MAGI2: variants seen among roughly 807,000 people sequenced by gnomAD.
MAGI2 encodes membrane associated guanylate kinase, WW and PDZ domain containing 2, also known as membrane-associated guanylate kinase, WW and PDZ domain-containing protein 2.
MAGI2 carries 35 observed loss-of-function variants against 133.3 expected under a neutral mutation model. The ratio of observed to expected loss-of-function variants is 0.26; its 90% CI spans 0.20 to 0.35. The LOEUF (loss-of-function observed/expected upper bound fraction) is 0.35, where lower values mean the gene tolerates loss of function less well. Among genes scored for constraint, MAGI2 ranks in the 10% least tolerant of loss-of-function variants. MAGI2 has a pLI of 1.00. For synonymous variants in MAGI2, 729 were observed against 710.6 expected (o/e 1.03, Z -0.41); for missense variants, 1,636 against 1,863.4 (o/e 0.88, Z 2.25).
chr7:79,099,707 A>G (rs968442820), intron 1 of MAGI2, among the ~76,000 whole-genome samples: 14 of 152,140 alleles, frequency 9.2e-5, no homozygotes, highest in African/African-American at 3.1e-4. Context: ...GCTCCCACTT[A>G]TAAGTGAGAA....
At chr7:79,135,537 A>G (rs1199105105) in intron 1 of MAGI2, among the ~76,000 whole-genome samples, 1 of 152,146 alleles carries the variant, frequency 6.6e-6, no homozygotes, top group Non-Finnish European at 1.5e-5. Context: ...TTTTAGACTA[A>G]ATGGTGAATT....
At chr7:79,051,003 T>C (rs922739754) in intron 1 of MAGI2, among the ~76,000 whole-genome samples, 3 of 152,182 alleles carry the variant, frequency 2.0e-5, no homozygotes, top group Non-Finnish European at 4.4e-5. Context: ...TACTTAATAA[T>C]TTTTCTAAAC....
intron 3 of MAGI2, among the ~76,000 whole-genome samples, chr7:78,552,435 G>T (rs1267794487): frequency 1.3e-5 from 2 of 151,940 alleles, no homozygotes; most frequent in African/African-American, 4.8e-5. Context: ...TGCCCGCCTC[G>T]GCCTCCCAAA....
intron 1 of MAGI2, among the ~76,000 whole-genome samples, chr7:79,052,264 CA>C (rs1325822763): frequency 2.0e-5 from 3 of 152,172 alleles, no homozygotes; most frequent in Non-Finnish European, 2.9e-5. Context: ...TGGCTACTAT[CA>C]GGGGGATCAA....
chr7:78,192,879 T>C (rs1828371114), intron 12 of MAGI2, among the ~76,000 whole-genome samples: 1 of 151,892 alleles, frequency 6.6e-6, no homozygotes, highest in African/African-American at 2.4e-5. Context: ...AGAGCACCGA[T>C]GAGGGGCCCA....
intron 2 of MAGI2, among the ~76,000 whole-genome samples, chr7:78,733,457 A>T (rs1011242173): frequency 1.3e-5 from 2 of 152,182 alleles, no homozygotes; most frequent in Non-Finnish European, 2.9e-5. Flanking sequence ...ACTTAGCCAT[A>T]ATTGCTTCAC....
At chr7:78,143,471 G>A (rs551419063) in intron 16 of MAGI2, among the ~76,000 whole-genome samples, 2 of 152,070 alleles carry the variant, frequency 1.3e-5, no homozygotes, top group South Asian at 4.2e-4. Context: ...GCCTCATCAA[G>A]TTATTACTAG....
Position 78,019,397 on chromosome 7 carries a change from A to C in MAGI2, c.4286T>G (p.Val1429Gly). 1 of 1,210,302 alleles carries C rather than the reference A, an allele frequency of 8.3e-7. No individual in the cohort carries two copies. The highest frequency in any genetic ancestry group is 3.7e-5 in the South Asian group (1 of 27,288). The allele number at this position is 1,210,302 out of a possible 1,614,324, so 75.0% of individuals were successfully genotyped here. The change falls in exon 22 of 22, where the codon GTC becomes GGC. Residue 1429 changes from valine to glycine, a missense_variant. Physicochemically the swap from Val to Gly is moderately radical, Grantham distance 109 (BLOSUM62 -3). This residue lies in a region of MAGI2 where 354 missense variants were observed against 298.7 expected (regional missense o/e 1.19). Transcript: ENST00000354212. ...CGGCACCTTCCAGGGCCCCGGCGCG[A>C]CGGCGGCCTTGCGCGCCGGGGCGCC... Reference protein sequence around the residue: ...PGGAPARKAAVAPGPWKVPGS... With the variant: ...PGGAPARKAAGAPGPWKVPGS...
intron 6 of MAGI2, among the ~76,000 whole-genome samples, chr7:78,440,124 C>T (rs1430725629): frequency 6.6e-6 from 1 of 151,634 alleles, no homozygotes; most frequent in Admixed American, 6.6e-5. Context: ...TGTAATGACT[C>T]CCATTATATT....
At chr7:78,135,785 A>T (rs1470727367) in intron 16 of MAGI2, among the ~76,000 whole-genome samples, 1 of 152,156 alleles carries the variant, frequency 6.6e-6, no homozygotes, top group African/African-American at 2.4e-5. Flanking sequence ...AGTTATAACC[A>T]CCTTCCCACT....
chr7:78,076,532 C>A (rs55940255), intron 21 of MAGI2, among the ~76,000 whole-genome samples: 47,614 of 149,484 alleles, frequency 0.32, 8,133 homozygotes, highest in African/African-American at 0.46. Flanking sequence ...GTAATCATAT[C>A]TTTTTAGGTG....
intron 1 of MAGI2, among the ~76,000 whole-genome samples, chr7:79,135,056 T>C (rs1334097344): frequency 6.6e-6 from 1 of 152,210 alleles, no homozygotes; most frequent in Non-Finnish European, 1.5e-5. Flanking sequence ...AGACATCCTA[T>C]ATTTGGAGAA....
chr7:78,551,969 T>A (rs1799369393), intron 3 of MAGI2, among the ~76,000 whole-genome samples: 1 of 152,170 alleles, frequency 6.6e-6, no homozygotes, highest in African/African-American at 2.4e-5. Context: ...GGTCTCAAAC[T>A]CTTGAGCTCA....
At chr7:78,216,468 T>C (rs1788281302) in intron 10 of MAGI2, among the ~76,000 whole-genome samples, 1 of 152,206 alleles carries the variant, frequency 6.6e-6, no homozygotes, top group South Asian at 2.1e-4. Flanking sequence ...TGAAAATCCT[T>C]TGTAGGACCC....
chr7:78,459,818 G>A (rs1217936828), intron 6 of MAGI2, among the ~76,000 whole-genome samples: 7 of 152,200 alleles, frequency 4.6e-5, no homozygotes, highest in Non-Finnish European at 1.5e-5. Context: ...TTCTGAAAAG[G>A]TGAGTGTTTT....
chr7:78,427,931 T>C (rs776424081), intron 6 of MAGI2, among the ~76,000 whole-genome samples: 2 of 152,072 alleles, frequency 1.3e-5, no homozygotes, highest in African/African-American at 2.4e-5. Flanking sequence ...AACCATGTAG[T>C]AGGAAAAATC....
chr7:78,891,762 A>T (rs1248257781), intron 2 of MAGI2, among the ~76,000 whole-genome samples: 1 of 152,202 alleles, frequency 6.6e-6, no homozygotes, highest in African/African-American at 2.4e-5. Context: ...ACAAACCCAC[A>T]GCCAATATCA....
chr7:78,369,092 A>C, intron 7 of MAGI2, 64 bp downstream of exon 7: 1 of 1,232,344 alleles, frequency 8.1e-7, no homozygotes, highest in Non-Finnish European at 1.2e-6. Context: ...TGCTCAATAA[A>C]TAAAATACTA....
At chr7:78,678,311 G>T (rs1055002302) in intron 2 of MAGI2, among the ~76,000 whole-genome samples, 1 of 151,948 alleles carries the variant, frequency 6.6e-6, no homozygotes, top group African/African-American at 2.4e-5. Flanking sequence ...TATGCCCATG[G>T]TACCACTTAC....
Sources: allele counts gnomAD v4.1 joint callset (sites outside exome capture counted in the v4.1 genomes callset), GRCh38; gene constraint gnomAD v4.1.1; regional missense constraint gnomAD v4.1.1; transcripts MANE v1.5; gene names NCBI Gene and HGNC (gene_info 2026-07-23, HGNC 2026-07-21).